The following CACNA1A variants were observed in gnomAD, a reference collection of about 807,000 sequenced individuals.
CACNA1A encodes voltage-dependent P/Q-type calcium channel subunit alpha-1A.
A neutral mutation model predicts 262.4 loss-of-function variants in CACNA1A; 57 were observed. The observed-to-expected ratio is 0.22, with a 90% confidence interval of 0.18 to 0.27. CACNA1A has a LOEUF of 0.27. Ranked by LOEUF, CACNA1A falls within the 10% of genes least tolerant of loss-of-function variation. The probability of loss-of-function intolerance (pLI) is 1.00; values close to 1 mark genes in which losing one functional copy is unlikely to be tolerated. For missense variants in CACNA1A, 2,526 were observed against 3,562.8 expected (o/e 0.71, Z 7.41); for synonymous variants, 1,431 against 1,419.3 (o/e 1.01, Z -0.18).
intron 3 of CACNA1A, among the ~76,000 whole-genome samples, chr19:13,417,555 GC>G (rs938810360): frequency 2.4e-4 from 37 of 152,146 alleles, no homozygotes; most frequent in African/African-American, 8.9e-4. Flanking sequence ...GGATGAACTG[GC>G]CTGGGCTTCT....
chr19:13,475,455 G>A lies in CACNA1A; in HGVS notation c.294-20243C>T, dbSNP rs140580751. Among the ~76,000 whole-genome samples, 350 of 152,270 alleles carry A rather than the reference G, an allele frequency of 2.3e-3. 2 individuals are homozygous for A. The highest frequency in any genetic ancestry group is 7.7e-3 in the African/African-American group (321 of 41,546). On this transcript the variant is annotated intron_variant, in intron 1 of 46. Transcript: ENST00000360228. ...ATGCTCACCCTTAAGGCTTCTGTCC[G>A]GAAGGACTCACGTCACTTCCCCTCA...
intron 24 of CACNA1A, chr19:13,272,017 C>T (rs1343297022): frequency 6.6e-6 from 1 of 152,274 alleles, no homozygotes; most frequent in Non-Finnish European, 1.5e-5. Flanking sequence ...CTCCTGACCC[C>T]AGGTGATCCA....
In CACNA1A at chr19:13,308,273, G is replaced by C; in HGVS notation, c.1782-22C>G. 1 of 1,605,374 alleles carries C rather than the reference G, an allele frequency of 6.2e-7. No individual in the cohort carries two copies. Among genetic ancestry groups the C allele is most frequent in the Non-Finnish European group, 8.5e-7 (1 of 1,174,278 alleles). On this transcript the variant is annotated intron_variant, in intron 13 of 46. Coordinates refer to ENST00000360228, the MANE Select transcript of CACNA1A (RefSeq NM_001127222.2). This position sits in a 1 kb window ranked among gnomAD's most constrained non-coding sequence, Gnocchi z 4.2. ...GTACCTGCCGACAGAGGCCAGGCGA[G>C]GACTCAGGCCAGGCGGGGGAGGCAG...
chr19:13,460,688 G>A (rs921900195), intron 1 of CACNA1A, among the ~76,000 whole-genome samples: 6 of 151,788 alleles, frequency 4.0e-5, no homozygotes, highest in South Asian at 2.1e-4. Flanking sequence ...CAGCAACGCC[G>A]GCCTCCCTTT....
chr19:13,424,951 C>T (rs991103209), intron 3 of CACNA1A, among the ~76,000 whole-genome samples: 11 of 152,026 alleles, frequency 7.2e-5, no homozygotes, highest in Non-Finnish European at 5.9e-5. Context: ...ATTACAGGCA[C>T]GCACCACCAC....
chr19:13,246,623 C>G (rs1180823669), intron 30 of CACNA1A, among the ~76,000 whole-genome samples: 2 of 147,114 alleles, frequency 1.4e-5, no homozygotes, highest in Non-Finnish European at 3.0e-5. Context: ...AGCATAACCT[C>G]TCTGTTTGTT....
rs142042942 is a variant in CACNA1A at position 13,291,505 on chromosome 19, C to T, written c.3090-4539G>A. Among the ~76,000 whole-genome samples, 8 of 151,976 alleles carry T rather than the reference C, an allele frequency of 5.3e-5. No individual in the cohort carries two copies. In the South Asian group the frequency reaches 8.3e-4, roughly 16 times the overall value. On this transcript the variant is annotated intron_variant, in intron 19 of 46. Transcript: ENST00000360228. ...GAGCTGGGCTCTCTGGTGTTCAAAGCTTTAATGGGGCAGCTTGGTACAGTG... is the reference window on the plus strand; with the variant it reads ...GAGCTGGGCTCTCTGGTGTTCAAAGTTTTAATGGGGCAGCTTGGTACAGTG...
rs984050286 is a variant in CACNA1A, at chr19:13,209,341, G to A, written c.6497C>T (p.Ser2166Phe). 1.4e-6 allele frequency: 2 copies of A among 1,393,604 alleles called. No homozygotes were observed. The highest frequency in any genetic ancestry group is 1.9e-6 in the Non-Finnish European group (2 of 1,069,648). 86.3% of individuals were successfully genotyped at this position (1,393,604 alleles called of 1,614,324 possible). ...GTCCACATCGGTGTAGCGGCCCAGG[G>A]AGCGCTCAGAGGCGCGGTGGCTGCG... The part of the protein sequence containing the change: ...RDRSHRASER[S>F]LGRYTDVDTG... The change falls in exon 45 of 47, where the codon TCC becomes TTC. Residue 2166 changes from serine to phenylalanine, a missense_variant. Around this residue, in one of 17 missense-constraint regions of CACNA1A, gnomAD observed 929 missense variants for 868.1 expected, o/e 1.07. Transcript: ENST00000360228.
chr19:13,253,445 C>CTTTTTTTTTT (rs57960659), intron 29 of CACNA1A, among the ~76,000 whole-genome samples: 1 of 94,230 alleles, frequency 1.1e-5, no homozygotes, highest in Non-Finnish European at 1.9e-5. Context: ...CTGAATTATA[C>CTTTTTTTTTT]TTTTTTTTTT....
At chr19:13,250,433 G>C (rs1189802850) in intron 30 of CACNA1A, among the ~76,000 whole-genome samples, 1 of 151,702 alleles carries the variant, frequency 6.6e-6, no homozygotes. Context: ...GTCTCACTCT[G>C]TCACCCAGGC....
At chr19:13,265,254 G>T (rs988676006) in intron 24 of CACNA1A, among the ~76,000 whole-genome samples, 6 of 152,290 alleles carry the variant, frequency 3.9e-5, no homozygotes, top group Non-Finnish European at 8.8e-5. Context: ...AATGCCTCCG[G>T]TTGGAGTATT....
chr19:13,358,290 G>A (rs1391300800), intron 6 of CACNA1A, among the ~76,000 whole-genome samples: 2 of 152,148 alleles, frequency 1.3e-5, no homozygotes, highest in African/African-American at 2.4e-5. Flanking sequence ...AGAAGGCCAG[G>A]CGTGGTGGCT....
intron 19 of CACNA1A, among the ~76,000 whole-genome samples, chr19:13,288,587 C>T (rs1378517729): frequency 6.6e-6 from 1 of 152,040 alleles, no homozygotes; most frequent in Non-Finnish European, 1.5e-5. Context: ...GATGAGGATA[C>T]TGAGGCCCCA....
At chr19:13,267,950 CG>C in intron 24 of CACNA1A, among the ~76,000 whole-genome samples, 1 of 151,844 alleles carries the variant, frequency 6.6e-6, no homozygotes, top group Non-Finnish European at 1.5e-5. Context: ...TTTGTAGAGA[CG>C]GGGGTCTCAT....
intron 1 of CACNA1A, among the ~76,000 whole-genome samples, chr19:13,497,160 T>C (rs866243047): frequency 6.6e-6 from 1 of 151,964 alleles, no homozygotes; most frequent in Non-Finnish European, 1.5e-5. Flanking sequence ...AGCTAACCGG[T>C]TGACCCAGCC....
intron 11 of CACNA1A, chr19:13,316,851 TCC>T: frequency 2.7e-6 from 1 of 373,364 alleles, no homozygotes; most frequent in Non-Finnish European, 4.8e-6. Context: ...CACCCCTCTG[TCC>T]CTCTCTCTTA....
chr19:13,259,867 T>C (rs759469529), intron 26 of CACNA1A, 166 bp from the exon 27 acceptor site: 117 of 668,048 alleles, frequency 1.8e-4, no homozygotes, highest in South Asian at 6.6e-4. Flanking sequence ...CTGTGCTTCA[T>C]AGGGGATGAC....
At chr19:13,219,786 T>C (rs986270649) in intron 38 of CACNA1A, among the ~76,000 whole-genome samples, 1 of 151,586 alleles carries the variant, frequency 6.6e-6, no homozygotes, top group Non-Finnish European at 1.5e-5. Context: ...ACCCCGTTTC[T>C]ACTAAAAATA....
At chr19:13,224,600 G>A (rs1296121102) in intron 38 of CACNA1A, 67 bp downstream of exon 38, 12 of 1,038,692 alleles carry the variant, frequency 1.2e-5, no homozygotes, top group Non-Finnish European at 1.6e-5. Context: ...CTAGTTTGGG[G>A]TAGGGAGGGA....
Sources: gnomAD v4.1 joint callset for allele counts (sites outside exome capture counted in the v4.1 genomes callset) on GRCh38, gnomAD v4.1.1 for gene constraint, gnomAD v4.1.1 regional missense constraint, Gnocchi (gnomAD v3.1) non-coding constraint, MANE v1.5 for transcripts, NCBI Gene and HGNC (gene_info 2026-07-23, HGNC 2026-07-21) for gene names.